MSRA: variants seen among roughly 807,000 people sequenced by gnomAD.
MSRA encodes the protein methionine sulfoxide reductase A.
MSRA carries 54 observed loss-of-function variants against 31.3 expected under a neutral mutation model. That is an observed-to-expected ratio of 1.73 (90% CI 1.39 to 2.17). The LOEUF (loss-of-function observed/expected upper bound fraction) is 2.17, where lower values mean the gene tolerates loss of function less well. Ranked by LOEUF, MSRA falls within the 30% of genes most tolerant of loss-of-function variation. The pLI, the probability that MSRA is intolerant of heterozygous loss-of-function variation, is 0.00. For missense variants in MSRA, 507 were observed against 300.9 expected (o/e 1.69, Z -5.07); for synonymous variants, 169 against 116.5 (o/e 1.45, Z -2.90).
At chr8:10,136,781 T>C (rs1189651218) in intron 1 of MSRA, among the ~76,000 whole-genome samples, 1 of 152,150 alleles carries the variant, frequency 6.6e-6, no homozygotes, top group Non-Finnish European at 1.5e-5. Context: ...ACTTCATTGC[T>C]GTTGGGGGTT....
intron 1 of MSRA, among the ~76,000 whole-genome samples, chr8:10,108,997 G>A (rs1800091070): frequency 6.6e-6 from 1 of 152,230 alleles, no homozygotes; most frequent in African/African-American, 2.4e-5. Context: ...TGCTCCATCA[G>A]CAGGTGTACT....
chr8:10,083,013 C>T (rs185440540), intron 1 of MSRA, among the ~76,000 whole-genome samples: 5 of 152,314 alleles, frequency 3.3e-5, no homozygotes, highest in Non-Finnish European at 7.4e-5. Context: ...AATTAAGCCT[C>T]CAATCTGATG....
chr8:10,274,262 GC>G (rs796632784), intron 3 of MSRA, among the ~76,000 whole-genome samples: 4 of 152,300 alleles, frequency 2.6e-5, no homozygotes, highest in African/African-American at 9.6e-5. Flanking sequence ...TGTACGGTGG[GC>G]CAGGGGAGCA....
At chr8:10,075,532 T>C (rs1341193105) in intron 1 of MSRA, among the ~76,000 whole-genome samples, 2 of 152,242 alleles carry the variant, frequency 1.3e-5, no homozygotes, top group African/African-American at 4.8e-5. Flanking sequence ...GAGAAGTGTT[T>C]CTACAAATAT....
intron 2 of MSRA, among the ~76,000 whole-genome samples, chr8:10,208,952 C>G (rs1387095787): frequency 1.3e-5 from 2 of 152,176 alleles, no homozygotes; most frequent in East Asian, 1.9e-4. Flanking sequence ...TTAGATTGTT[C>G]CCTTATTCCC....
chr8:10,121,555 G>C (rs1801108171), intron 1 of MSRA, among the ~76,000 whole-genome samples: 1 of 152,222 alleles, frequency 6.6e-6, no homozygotes, highest in African/African-American at 2.4e-5. Flanking sequence ...TGATTTAAAA[G>C]TGACTTAAGC....
intron 1 of MSRA, among the ~76,000 whole-genome samples, chr8:10,114,041 G>A (rs188867809): frequency 1.2e-4 from 19 of 152,180 alleles, no homozygotes; most frequent in East Asian, 9.7e-4. Context: ...GACCTTTCAC[G>A]TCAATAGAAT....
chr8:10,189,440 C>T (rs1463327514), intron 1 of MSRA, among the ~76,000 whole-genome samples: 6 of 152,106 alleles, frequency 3.9e-5, no homozygotes, highest in Admixed American at 2.0e-4. Context: ...AGGCTGAGAA[C>T]GTTCGGTCTG....
chr8:10,281,203 T>C (rs965037350), intron 3 of MSRA, among the ~76,000 whole-genome samples: 1 of 152,222 alleles, frequency 6.6e-6, no homozygotes, highest in East Asian at 1.9e-4. Context: ...AAAAGCATTT[T>C]CTACCAAAAT....
intron 5 of MSRA, among the ~76,000 whole-genome samples, chr8:10,345,603 A>C (rs1248563865): frequency 6.6e-6 from 1 of 152,248 alleles, no homozygotes; most frequent in Non-Finnish European, 1.5e-5. Flanking sequence ...ATATTATTAC[A>C]AATAATAATT....
intron 5 of MSRA, among the ~76,000 whole-genome samples, chr8:10,334,763 AAAAG>A (rs1276870793): frequency 1.3e-5 from 2 of 152,230 alleles, no homozygotes; most frequent in Admixed American, 6.5e-5. Context: ...AAGGGCAGGA[AAAAG>A]AAAGAAAATA....
chr8:10,148,948 C>T (rs142750233), intron 1 of MSRA, among the ~76,000 whole-genome samples: 171 of 123,994 alleles, frequency 1.4e-3, no homozygotes, highest in African/African-American at 4.7e-3. Flanking sequence ...TTGTGTGTGT[C>T]GCTGGTAAAT....
At chr8:10,253,303 G>C (rs1315349987) in intron 3 of MSRA, among the ~76,000 whole-genome samples, 1 of 152,166 alleles carries the variant, frequency 6.6e-6, no homozygotes, top group Non-Finnish European at 1.5e-5. Context: ...CATGTGCTAC[G>C]TGTTCTTCAT....
chr8:10,425,581 G>A (rs754303518), intron 5 of MSRA, among the ~76,000 whole-genome samples: 1 of 152,258 alleles, frequency 6.6e-6, no homozygotes, highest in African/African-American at 2.4e-5. Flanking sequence ...ACAGGGAAGA[G>A]GGTGGATCTC....
intron 3 of MSRA, among the ~76,000 whole-genome samples, chr8:10,270,559 A>G (rs1798978261): frequency 6.6e-6 from 1 of 152,196 alleles, no homozygotes; most frequent in Admixed American, 6.5e-5. Flanking sequence ...AAGGACTGCT[A>G]GAGGAGGGAG....
intron 3 of MSRA, chr8:10,250,864 G>T (rs779673631): frequency 1.1e-5 from 2 of 175,538 alleles, no homozygotes; most frequent in Non-Finnish European, 2.4e-5. Context: ...TGCACATTGT[G>T]CACATATACC....
intron 3 of MSRA, among the ~76,000 whole-genome samples, chr8:10,272,390 T>C (rs965067489): frequency 6.6e-6 from 1 of 152,176 alleles, no homozygotes; most frequent in African/African-American, 2.4e-5. Context: ...GAAGAGCTGA[T>C]GTTTTAGTTA....
At chr8:10,346,012 G>GT (rs1174877422) in intron 5 of MSRA, among the ~76,000 whole-genome samples, 1 of 151,848 alleles carries the variant, frequency 6.6e-6, no homozygotes, top group Non-Finnish European at 1.5e-5. Flanking sequence ...CCTTCCTAGT[G>GT]TTTTTGTTTA....
chr8:10,061,858 C>T (rs983083710), intron 1 of MSRA, among the ~76,000 whole-genome samples: 3 of 152,192 alleles, frequency 2.0e-5, no homozygotes, highest in Non-Finnish European at 2.9e-5. Context: ...TGGGGAACCC[C>T]TCATCTTTAA....
Sources: gnomAD v4.1 joint callset for allele counts (sites outside exome capture counted in the v4.1 genomes callset) on GRCh38, gnomAD v4.1.1 for gene constraint, MANE v1.5 for transcripts, NCBI Gene and HGNC (gene_info 2026-07-23, HGNC 2026-07-21) for gene names.